The following TMEFF2 variants were observed in gnomAD, a reference collection of about 807,000 sequenced individuals.
TMEFF2 encodes the protein tomoregulin-2.
In TMEFF2, 28 loss-of-function variants were observed where a neutral mutation model predicts 53.8. The ratio of observed to expected loss-of-function variants is 0.52; its 90% CI spans 0.39 to 0.71. TMEFF2 has a LOEUF of 0.71. Among genes scored for constraint, TMEFF2 ranks in the 30% least tolerant of loss-of-function variants. TMEFF2 has a pLI of 0.00. For synonymous variants in TMEFF2, 162 were observed against 166.3 expected, an observed-to-expected ratio of 0.97 and a Z score of 0.20; for missense variants, 353 against 455.2, an observed-to-expected ratio of 0.78 and a Z score of 2.04.
intron 4 of TMEFF2, among the ~76,000 whole-genome samples, chr2:192,083,375 A>G (rs2105927621): frequency 6.6e-6 from 1 of 152,278 alleles, no homozygotes; most frequent in East Asian, 1.9e-4. Flanking sequence ...ATGTGGTTTC[A>G]GGAGAGTATA....
In TMEFF2 at chr2:192,001,482, A is replaced by G. The variant is rs549128823; in HGVS notation, c.537-2274T>C. Among the ~76,000 whole-genome samples, 4 of 152,312 alleles carry G rather than the reference A, an allele frequency of 2.6e-5. No individual in the cohort carries two copies. The South Asian group carries it at 6.2e-4, about 24-fold the overall frequency. ...TATATATAGACAGAAAGTAATTGGC[A>G]GTTCAGAAACCCATTTGATAGCATG... is the stretch of plus-strand genomic sequence containing the variant. On this transcript the variant is annotated intron_variant, in intron 5 of 9. Transcript: ENST00000272771.
chr2:191,959,449 C>T (rs1178216049), intron 7 of TMEFF2, among the ~76,000 whole-genome samples: 1 of 152,182 alleles, frequency 6.6e-6, no homozygotes, highest in East Asian at 1.9e-4. Context: ...TACAGCTACT[C>T]ATATTGTTTC....
rs1243931230 is a variant in TMEFF2 at position 191,950,038 on chromosome 2, T to TTATTATATATAACAAATACATGGGAAAG, written c.*245_*272dup. 1 of 1,152,606 alleles carries TTATTATATATAACAAATACATGGGAAAG rather than the reference T, an allele frequency of 8.7e-7. No individual in the cohort carries two copies. The highest frequency in any genetic ancestry group is 1.1e-6 in the Non-Finnish European group (1 of 928,686). 71.4% of individuals were successfully genotyped at this position (1,152,606 alleles called of 1,614,324 possible). A position where few individuals can be genotyped will look rare whatever the true frequency, so the allele number is the denominator to read the frequency against. ...CCAATTTTTTCTCATCACTGAGTATTTATTATATATAACAAATACATGGGA... is the reference window on the plus strand; with the variant it reads ...CCAATTTTTTCTCATCACTGAGTATTTATTATATATAACAAATACATGGGAAAGTATTATATATAACAAATACATGGGA... On this transcript the variant is annotated 3_prime_UTR_variant, in exon 10 of 10. Coordinates refer to ENST00000272771, the MANE Select transcript of TMEFF2 (RefSeq NM_016192.4).
intron 2 of TMEFF2, among the ~76,000 whole-genome samples, chr2:192,191,019 G>A (rs1437905686): frequency 1.3e-5 from 2 of 151,956 alleles, no homozygotes; most frequent in African/African-American, 2.4e-5. Context: ...AATACTCAAG[G>A]GCAAATATAG....
chr2:191,996,494 ATT>A (rs1686224136), intron 7 of TMEFF2, among the ~76,000 whole-genome samples: 1 of 151,978 alleles, frequency 6.6e-6, no homozygotes, highest in African/African-American at 2.4e-5. Flanking sequence ...TACAATTTAA[ATT>A]TGTTTTCATT....
At chr2:192,035,623 A>T (rs1687271458) in intron 5 of TMEFF2, among the ~76,000 whole-genome samples, 1 of 152,044 alleles carries the variant, frequency 6.6e-6, no homozygotes, top group Admixed American at 6.5e-5. Flanking sequence ...ATTTTCTGTC[A>T]TTACACCCAG....
chr2:192,176,402 A>C (rs910358900), intron 4 of TMEFF2, among the ~76,000 whole-genome samples: 9 of 151,426 alleles, frequency 5.9e-5, no homozygotes, highest in African/African-American at 2.2e-4. Flanking sequence ...CTTTTGTATT[A>C]ATGAGTTTTC....
At chr2:191,964,248 CCTTCCTT>C (rs1183687906) in intron 7 of TMEFF2, among the ~76,000 whole-genome samples, 3 of 92,994 alleles carry the variant, frequency 3.2e-5, no homozygotes, top group Admixed American at 1.4e-4. Flanking sequence ...TTCCTTCCTT[CCTTCCTT>C]CCTCCTTTCT....
At chr2:191,964,901 C>G (rs1359225784) in intron 7 of TMEFF2, among the ~76,000 whole-genome samples, 3 of 152,176 alleles carry the variant, frequency 2.0e-5, no homozygotes, top group Admixed American at 6.5e-5. Context: ...GAAGCCCTCT[C>G]TTCCCTGGGT....
At chr2:192,077,956 G>A (rs2105922760) in intron 4 of TMEFF2, among the ~76,000 whole-genome samples, 1 of 152,022 alleles carries the variant, frequency 6.6e-6, no homozygotes, top group East Asian at 1.9e-4. Flanking sequence ...AAAATAAACA[G>A]ACTCTAGCAA....
At chr2:192,026,106 G>T (rs1424169114) in intron 5 of TMEFF2, among the ~76,000 whole-genome samples, 1 of 152,084 alleles carries the variant, frequency 6.6e-6, no homozygotes, top group Non-Finnish European at 1.5e-5. Flanking sequence ...GCCCCCAAGT[G>T]GCTTTCACTT....
chr2:192,191,716 T>C (rs1389893077), intron 2 of TMEFF2, among the ~76,000 whole-genome samples, 164 bp downstream of exon 2: 2 of 152,204 alleles, frequency 1.3e-5, no homozygotes, highest in Non-Finnish European at 2.9e-5. Flanking sequence ...AAAAAGCGTA[T>C]GTCTTCTTGA....
chr2:192,114,463 A>G (rs2105958876), intron 4 of TMEFF2, among the ~76,000 whole-genome samples: 1 of 121,704 alleles, frequency 8.2e-6, no homozygotes, highest in South Asian at 2.9e-4. Context: ...TTCACCAAGG[A>G]AAAGAAAAAA....
intron 4 of TMEFF2, among the ~76,000 whole-genome samples, chr2:192,082,549 G>A (rs967431462): frequency 2.6e-5 from 4 of 152,120 alleles, no homozygotes; most frequent in African/African-American, 9.7e-5. Flanking sequence ...TTTAAATCAT[G>A]TGTATCATAA....
intron 4 of TMEFF2, among the ~76,000 whole-genome samples, chr2:192,093,819 T>C (rs964373357): frequency 1.4e-4 from 17 of 122,010 alleles, no homozygotes; most frequent in African/African-American, 4.3e-4. Flanking sequence ...GGAATATATT[T>C]CTTAAAAAAA....
In TMEFF2 at chr2:192,060,039, TC is replaced by T. The variant is rs1688005567; in HGVS notation, c.440-2265del. ...GGTCTGATTCAGAGGCTTTCGTGGA[TC>T]ATATTTTTTTTTTTTTAATAAAAAT... is the stretch of plus-strand genomic sequence containing the variant. On this transcript the variant is annotated intron_variant, in intron 4 of 9. Transcript: ENST00000272771. 6.0e-5 allele frequency among the ~76,000 whole-genome samples: 4 copies of T among 66,770 alleles called. No individual in the cohort carries two copies. The Admixed American group carries it at 9.0e-4, about 15-fold the overall frequency. The allele number at this position is 66,770 out of a possible 152,430, so 43.8% of individuals were successfully genotyped here.
intron 2 of TMEFF2, among the ~76,000 whole-genome samples, chr2:192,188,627 C>A (rs1468729335): frequency 6.6e-6 from 1 of 152,144 alleles, no homozygotes; most frequent in Non-Finnish European, 1.5e-5. Context: ...ATTTGTAGAT[C>A]TAAAGCACGA....
At chr2:192,122,249 G>A (rs1226311016) in intron 4 of TMEFF2, among the ~76,000 whole-genome samples, 1 of 151,900 alleles carries the variant, frequency 6.6e-6, no homozygotes, top group Non-Finnish European at 1.5e-5. Flanking sequence ...CAGTGAAAAA[G>A]CAAAAACAGA....
intron 4 of TMEFF2, among the ~76,000 whole-genome samples, chr2:192,109,873 T>A (rs879333155): frequency 2.0e-5 from 3 of 152,152 alleles, no homozygotes; most frequent in Middle Eastern, 3.2e-3. Context: ...GCAATTACAC[T>A]TCCAAGTCTG....
Sources: gnomAD v4.1 joint callset for allele counts (sites outside exome capture counted in the v4.1 genomes callset) on GRCh38, gnomAD v4.1.1 for gene constraint, MANE v1.5 for transcripts, NCBI Gene and HGNC (gene_info 2026-07-23, HGNC 2026-07-21) for gene names.